The following PRC1 variants were observed in gnomAD, a reference collection of about 807,000 sequenced individuals.
PRC1 encodes the protein anaphase spindle elongation 1 homolog.
Under a neutral mutation model 91.2 loss-of-function variants are expected in PRC1, and 54 were observed. That is an observed-to-expected ratio of 0.59 (90% CI 0.48 to 0.74). The LOEUF (loss-of-function observed/expected upper bound fraction) is 0.74. PRC1 is among the 30% of genes least tolerant of loss of function. The pLI is 0.00. For synonymous variants in PRC1, 275 were observed against 263.6 expected, an observed-to-expected ratio of 1.04 and a Z score of -0.42; for missense variants, 727 against 746.2, an observed-to-expected ratio of 0.97 and a Z score of 0.30.
intron 1 of PRC1, among the ~76,000 whole-genome samples, chr15:90,990,746 T>C (rs533472965): frequency 1.3e-5 from 2 of 152,284 alleles, no homozygotes; most frequent in South Asian, 4.1e-4. Flanking sequence ...ATTAAAAACA[T>C]CTTGGCACAT....
chr15:90,967,813 C>G, intron 14 of PRC1: 1 of 979,582 alleles, frequency 1.0e-6, no homozygotes, highest in Non-Finnish European at 1.2e-6. Context: ...CAGAACATAT[C>G]CCTGTCATTA....
In PRC1 at chr15:90,981,439, G is replaced by C. The variant is rs776551977; in HGVS notation, c.672+60C>G. On this transcript the variant is annotated intron_variant, in intron 5 of 14. Coordinates refer to ENST00000394249, the MANE Select transcript of PRC1 (RefSeq NM_003981.4). ...TTTAAGACTGAAGAAACAGCTGTCA[G>C]TTTTGTTCAAACTGCTATATACTAC... 7 of 1,567,852 alleles carry C rather than the reference G, an allele frequency of 4.5e-6. No homozygotes were observed. In the South Asian group the frequency reaches 7.8e-5, roughly 18 times the overall value.
At position 90,981,654 on chromosome 15, in the gene PRC1, C is replaced by G; in HGVS notation, c.517G>C (p.Glu173Gln). 6.2e-7 allele frequency: 1 copy of G among 1,614,014 alleles called. No individual in the cohort carries two copies. The part of the protein sequence containing the change: ...LRETKASRRE[E>Q]FVSIKRQIIL... Reference sequence around the variant, plus strand: ...ATCTGTCTCTTTATACTGACAAACTCCTCACGCCTAGAAGCCTTTAAAACA... The same window carrying G: ...ATCTGTCTCTTTATACTGACAAACTGCTCACGCCTAGAAGCCTTTAAAACA... Residue 173 changes from glutamate to glutamine, a missense_variant, in exon 5 of 15, where the codon GAG becomes CAG. Transcript: ENST00000394249.
Position 90,984,167 on chromosome 15 carries a change from T to C in PRC1, c.145-27A>G. The stretch of plus-strand genomic sequence containing the variant: ...TACAAGAGGGAAAACAGTCCATAAG[T>C]TTGGGGCAATGGAGGAAAAAAACTC... On this transcript the variant is annotated intron_variant, in intron 2 of 14. Coordinates refer to ENST00000394249, the MANE Select transcript of PRC1 (RefSeq NM_003981.4). This position sits in a 1 kb window ranked among gnomAD's most constrained non-coding sequence, Gnocchi z 5.1. 1 of 1,610,650 alleles carries C rather than the reference T, an allele frequency of 6.2e-7. No individual in the cohort carries two copies. The highest frequency in any genetic ancestry group is 8.5e-7 in the Non-Finnish European group (1 of 1,178,000).
At chr15:90,975,419 C>T (rs888014839) in intron 9 of PRC1, among the ~76,000 whole-genome samples, 1 of 152,136 alleles carries the variant, frequency 6.6e-6, no homozygotes, top group Admixed American at 6.6e-5. Flanking sequence ...GTTTCCTCGT[C>T]TGTAAAAATG....
rs2037475281 is a variant in PRC1, at chr15:90,966,216, A to G, written c.*915T>C. ...AGTACTGCTGCAGGCAGACAGCGGA[A>G]GAATAAATAATAGTGCTTCAAGAAG... On this transcript the variant is annotated 3_prime_UTR_variant, in exon 15 of 15. Coordinates refer to ENST00000394249, the MANE Select transcript of PRC1 (RefSeq NM_003981.4). 1 of 198,242 alleles carries G rather than the reference A, an allele frequency of 5.0e-6. No homozygotes were observed. Among genetic ancestry groups the G allele is most frequent in the Non-Finnish European group, 1.1e-5 (1 of 94,486 alleles). 12.3% of individuals were successfully genotyped at this position (198,242 alleles called of 1,614,324 possible). A position where few individuals can be genotyped will look rare whatever the true frequency, so the allele number is the denominator to read the frequency against.
chr15:90,970,327 G>T, intron 12 of PRC1, 77 bp downstream of exon 12: 2 of 1,073,888 alleles, frequency 1.9e-6, no homozygotes, highest in Non-Finnish European at 2.8e-6. Flanking sequence ...TTAGAATCTA[G>T]AACAAGTAGG....
At chr15:90,977,950 A>G (rs2038875099) in intron 8 of PRC1, among the ~76,000 whole-genome samples, 1 of 152,154 alleles carries the variant, frequency 6.6e-6, no homozygotes, top group South Asian at 2.1e-4. Context: ...GAGGACAAAG[A>G]CATCTGTTCT....
At position 90,979,267 on chromosome 15, in the gene PRC1, A is replaced by G. The variant is rs1378912063; in HGVS notation, c.998T>C (p.Leu333Pro). 1 of 1,614,172 alleles carries G rather than the reference A, an allele frequency of 6.2e-7. No homozygotes were observed. The highest frequency in any genetic ancestry group is 8.5e-7 in the Non-Finnish European group (1 of 1,180,020). ...AEDYTESLLQ[L>P]HDAEIVRLKN... ...TAACCGCACAATCTCAGCATCGTGG[A>G]GCTGGAGCAGACTTTCTGTGTAGTC... is the stretch of plus-strand genomic sequence containing the variant. Residue 333 changes from leucine (L) to proline (P), a missense_variant, in exon 8 of 15, where the codon CTC becomes CCC. Physicochemically the swap from Leu to Pro is moderately conservative, Grantham distance 98. Transcript: ENST00000394249.
rs148991007 is a variant in PRC1 at position 90,981,102 on chromosome 15, G to A, written c.673-69C>T. 11,840 of 1,578,416 alleles carry A rather than the reference G, an allele frequency of 7.5e-3. 58 individuals carry two copies. Among genetic ancestry groups the A allele is most frequent in the Non-Finnish European group, 8.9e-3 (10,382 of 1,161,002 alleles). ...ACAGAGGCTAGCCCTCTAGCCTCCC[G>A]CAAAGAAATGTCTGGAGTAGAGGAG... On this transcript the variant is annotated intron_variant, in intron 5 of 14. Transcript: ENST00000394249.
intron 11 of PRC1, among the ~76,000 whole-genome samples, chr15:90,971,368 C>A (rs2038110794): frequency 6.6e-6 from 1 of 152,124 alleles, no homozygotes; most frequent in Non-Finnish European, 1.5e-5. Flanking sequence ...TCACTGCAGC[C>A]TCGACCTCCT....
At chr15:90,991,047 G>C (rs1445130346) in intron 1 of PRC1, among the ~76,000 whole-genome samples, 1 of 151,864 alleles carries the variant, frequency 6.6e-6, no homozygotes, top group African/African-American at 2.4e-5. Flanking sequence ...AAAGTGCTGG[G>C]ATTACAGGCG....
At position 90,973,673 on chromosome 15, in the gene PRC1, T is replaced by TA. The variant is rs369412115; in HGVS notation, c.1461+462dup. On this transcript the variant is annotated intron_variant, in intron 11 of 14. Transcript: ENST00000394249. ...AACTGCCCTGTGGCTGGAGGCGAGA[T>TA]ACGCTGGCGGCAATGCTGCTCTGTT... Among the ~76,000 whole-genome samples the TA allele has an allele frequency of 4.3e-4, 66 of 152,242 alleles. No homozygotes were observed. In the East Asian group the frequency reaches 0.012, roughly 28 times the overall value.
chr15:90,974,598 GCTCT>G lies in PRC1; in HGVS notation c.1333_1336del (p.Arg445ProfsTer7), dbSNP rs1228877505. 5 of 1,614,096 alleles carry G rather than the reference GCTCT, an allele frequency of 3.1e-6. No homozygotes were observed. The highest frequency in any genetic ancestry group is 4.2e-6 in the Non-Finnish European group (5 of 1,180,036). ...GTTCACACTTACTCTTTCCTGCTTG[GCTCT>G]CTCTTTCTCCAATCGATGCATCTCC... On this transcript the variant is annotated frameshift_variant, in exon 10 of 15. Transcript: ENST00000394249. LOFTEE classifies it high-confidence loss of function. This position sits in a 1 kb window ranked among gnomAD's most constrained non-coding sequence, Gnocchi z 4.6.
chr15:90,980,520 T>C, intron 6 of PRC1, 131 bp from the exon 7 acceptor site: 1 of 1,041,270 alleles, frequency 9.6e-7, no homozygotes, highest in Non-Finnish European at 1.3e-6. Flanking sequence ...CACTTTTTTT[T>C]TTTTTTTTTT....
In PRC1 at chr15:90,966,981, C is replaced by T. The variant is rs779483247; in HGVS notation, c.*150G>A. ...CTATGATGGGCTTTCAACTGTAACA[C>T]TCATTCACATCTTTAAGTTAGGCCC... is the stretch of plus-strand genomic sequence containing the variant. On this transcript the variant is annotated 3_prime_UTR_variant, in exon 15 of 15. Coordinates refer to ENST00000394249, the MANE Select transcript of PRC1 (RefSeq NM_003981.4). 29 of 678,454 alleles carry T rather than the reference C, an allele frequency of 4.3e-5. No homozygotes were observed. The highest frequency in any genetic ancestry group is 7.5e-5 in the Non-Finnish European group (29 of 384,418). 42.0% of individuals were successfully genotyped at this position (678,454 alleles called of 1,614,324 possible). A position where few individuals can be genotyped will look rare whatever the true frequency, so the allele number is the denominator to read the frequency against.
chr15:90,968,999 T>TAGCC, intron 14 of PRC1, 80 bp downstream of exon 14: 1 of 1,608,910 alleles, frequency 6.2e-7, no homozygotes, highest in Admixed American at 1.7e-5. Flanking sequence ...TTAGTTAGTG[T>TAGCC]AGCCCTGTGC....
rs1041795199 is a variant in PRC1, at chr15:90,966,375, A to C, written c.*756T>G. On this transcript the variant is annotated 3_prime_UTR_variant, in exon 15 of 15. Transcript: ENST00000394249. Reference sequence around the variant, plus strand: ...CAGCTCAACCCATTGGAACAAACAGACTCCCAATGTGGCTGGCAACTGCGG... The same window carrying C: ...CAGCTCAACCCATTGGAACAAACAGCCTCCCAATGTGGCTGGCAACTGCGG... 3.0e-5 allele frequency: 10 copies of C among 333,570 alleles called. No homozygotes were observed. Among genetic ancestry groups the C allele is most frequent in the Non-Finnish European group, 5.4e-5 (9 of 166,484 alleles). 20.7% of individuals were successfully genotyped at this position (333,570 alleles called of 1,614,324 possible). A position where few individuals can be genotyped will look rare whatever the true frequency, so the allele number is the denominator to read the frequency against.
chr15:90,967,694 G>T, intron 14 of PRC1: 1 of 440,686 alleles, frequency 2.3e-6, no homozygotes, highest in Non-Finnish European at 3.0e-6. Flanking sequence ...GCCCAGGTTT[G>T]TAGCCTAGGA....
Sources: allele counts gnomAD v4.1 joint callset (sites outside exome capture counted in the v4.1 genomes callset), GRCh38; gene constraint gnomAD v4.1.1; non-coding constraint Gnocchi (gnomAD v3.1); transcripts MANE v1.5; gene names NCBI Gene and HGNC (gene_info 2026-07-23, HGNC 2026-07-21).